Variants in ETNK1 observed in about 807,000 individuals in gnomAD.
ETNK1 encodes the protein putative protein product of Nbla10396.
In ETNK1, 8 loss-of-function variants were observed where a neutral mutation model predicts 45.1. The ratio of observed to expected loss-of-function variants is 0.18; its 90% CI spans 0.10 to 0.32. The LOEUF is 0.32. Ranked by LOEUF, ETNK1 falls within the 10% of genes least tolerant of loss-of-function variation. The probability of loss-of-function intolerance (pLI) is 1.00; values close to 1 mark genes in which losing one functional copy is unlikely to be tolerated. For missense variants in ETNK1, 302 were observed against 430.6 expected (o/e 0.70, Z 2.64); for synonymous variants, 152 against 151.9 (o/e 1.00, Z -0.01).
At chr12:22,644,985 C>G (rs1953789457) in intron 2 of ETNK1, among the ~76,000 whole-genome samples, 1 of 151,866 alleles carries the variant, frequency 6.6e-6, no homozygotes, top group Admixed American at 6.6e-5. Flanking sequence ...AAACCTGTAT[C>G]AAATAATATA....
chr12:22,625,190 C>T lies in ETNK1; in HGVS notation c.-241C>T, dbSNP rs1203799647. On this transcript the variant is annotated 5_prime_UTR_variant, in exon 1 of 8. Transcript: ENST00000266517. Reference sequence around the variant, plus strand: ...TGCTCTGCGGCCGCCCGCGGTCCAGCTCCGACAACAGGAATTTTCTCCGAG... The same window carrying T: ...TGCTCTGCGGCCGCCCGCGGTCCAGTTCCGACAACAGGAATTTTCTCCGAG... 6.2e-7 allele frequency: 1 copy of T among 1,608,100 alleles called. No individual in the cohort carries two copies. The highest frequency in any genetic ancestry group is 8.5e-7 in the Non-Finnish European group (1 of 1,177,432).
chr12:22,636,445 A>G lies in ETNK1; in HGVS notation c.157-7318A>G, dbSNP rs1479768392. On this transcript the variant is annotated intron_variant, in intron 1 of 7. Coordinates refer to ENST00000266517, the MANE Select transcript of ETNK1 (RefSeq NM_018638.5). ...ATCTTTTGAAGCTGTATTGTTGGATACATGCACATTTAGAATTTTTATATC... is the reference window on the plus strand; with the variant it reads ...ATCTTTTGAAGCTGTATTGTTGGATGCATGCACATTTAGAATTTTTATATC... Among the ~76,000 whole-genome samples, 4 of 152,274 alleles carry G rather than the reference A, an allele frequency of 2.6e-5. No individual in the cohort carries two copies. The East Asian group carries it at 7.7e-4, about 29-fold the overall frequency.
Position 22,687,722 on chromosome 12 carries a change from A to G in ETNK1, c.*2768A>G, listed in dbSNP as rs536459334. The G allele has an allele frequency of 5.9e-5, 9 of 152,420 alleles. No homozygotes were observed. The South Asian group carries it at 1.7e-3, about 28-fold the overall frequency. 9.4% of individuals were successfully genotyped at this position (152,420 alleles called of 1,614,324 possible). Reference sequence around the variant, plus strand: ...CATCAAGTAGGTCTGCCTGGAATGTATATAAAAAATGTAAATAAAAATTTG... The same window carrying G: ...CATCAAGTAGGTCTGCCTGGAATGTGTATAAAAAATGTAAATAAAAATTTG... On this transcript the variant is annotated 3_prime_UTR_variant, in exon 8 of 8. Transcript: ENST00000266517.
At chr12:22,675,288 G>A (rs916907258) in intron 6 of ETNK1, among the ~76,000 whole-genome samples, 2 of 150,840 alleles carry the variant, frequency 1.3e-5, no homozygotes, top group African/African-American at 2.4e-5. Flanking sequence ...GAACTCCTGG[G>A]CCTAAGTGAT....
intron 5 of ETNK1, 23 bp from the exon 6 acceptor site, chr12:22,673,477 G>A (rs1183977134): frequency 1.8e-5 from 27 of 1,536,366 alleles, no homozygotes; most frequent in Non-Finnish European, 2.3e-5. Context: ...AAATTTTTGA[G>A]TGTAGTTTTT....
chr12:22,689,624 T>C lies in ETNK1; in HGVS notation c.*4670T>C, dbSNP rs1194496736. 2 of 152,012 alleles carry C rather than the reference T, an allele frequency of 1.3e-5. No individual in the cohort carries two copies. The highest frequency in any genetic ancestry group is 2.9e-5 in the Non-Finnish European group (2 of 67,880). 9.4% of individuals were successfully genotyped at this position (152,012 alleles called of 1,614,324 possible). A position where few individuals can be genotyped will look rare whatever the true frequency, so the allele number is the denominator to read the frequency against. ...AACTAGCCAACAGAATTGTAGGTGATGCATTAGTTAAATTTCAAAACTCAT... is the reference window on the plus strand; with the variant it reads ...AACTAGCCAACAGAATTGTAGGTGACGCATTAGTTAAATTTCAAAACTCAT... On this transcript the variant is annotated 3_prime_UTR_variant, in exon 8 of 8. Coordinates refer to ENST00000266517, the MANE Select transcript of ETNK1 (RefSeq NM_018638.5).
chr12:22,684,853 A>AT (rs1565450473), intron 7 of ETNK1, 29 bp from the exon 8 acceptor site: 3 of 1,570,612 alleles, frequency 1.9e-6, no homozygotes, highest in African/African-American at 2.7e-5. Flanking sequence ...GCTTTGACTA[A>AT]TTTTTTTGTT....
intron 4 of ETNK1, among the ~76,000 whole-genome samples, chr12:22,661,710 A>G (rs1954000742): frequency 6.6e-6 from 1 of 152,210 alleles, no homozygotes; most frequent in Admixed American, 6.5e-5. Context: ...GGAGAGAGCT[A>G]CAGATGGAGG....
At chr12:22,675,327 G>T (rs1954149631) in intron 6 of ETNK1, among the ~76,000 whole-genome samples, 1 of 151,930 alleles carries the variant, frequency 6.6e-6, no homozygotes, top group African/African-American at 2.4e-5. Context: ...CCAAAGTGCT[G>T]GGAATTTATA....
At chr12:22,682,805 G>T (rs1954225429) in intron 6 of ETNK1, among the ~76,000 whole-genome samples, 1 of 152,110 alleles carries the variant, frequency 6.6e-6, no homozygotes, top group Non-Finnish European at 1.5e-5. Flanking sequence ...TAGTCAAAAA[G>T]GCAAGTAACA....
Position 22,645,011 on chromosome 12 carries a change from A to G in ETNK1, c.416+989A>G, listed in dbSNP as rs542158985. 4.6e-5 allele frequency among the ~76,000 whole-genome samples: 7 copies of G among 152,070 alleles called. No individual in the cohort carries two copies. In the East Asian group the frequency reaches 7.7e-4, roughly 17 times the overall value. ...AAATAATATATTAAAATATTTTGTCATAGAAATCTGTTCAAACCCTAGTTT... is the reference window on the plus strand; with the variant it reads ...AAATAATATATTAAAATATTTTGTCGTAGAAATCTGTTCAAACCCTAGTTT... On this transcript the variant is annotated intron_variant, in intron 2 of 7. Transcript: ENST00000266517.
At position 22,689,017 on chromosome 12, in the gene ETNK1, T is replaced by C. The variant is rs900865271; in HGVS notation, c.*4063T>C. The C allele has an allele frequency of 6.6e-6, 1 of 151,954 alleles. No individual in the cohort carries two copies. Among genetic ancestry groups the C allele is most frequent in the Admixed American group, 6.6e-5 (1 of 15,266 alleles). 9.4% of individuals were successfully genotyped at this position (151,954 alleles called of 1,614,324 possible). A position where few individuals can be genotyped will look rare whatever the true frequency, so the allele number is the denominator to read the frequency against. On this transcript the variant is annotated 3_prime_UTR_variant, in exon 8 of 8. Coordinates refer to ENST00000266517, the MANE Select transcript of ETNK1 (RefSeq NM_018638.5). ...GTATCAATTATTTTAAATGAATTTTTCCCCATGTTTGAGGCTTAGTCTGTA... is the reference window on the plus strand; with the variant it reads ...GTATCAATTATTTTAAATGAATTTTCCCCCATGTTTGAGGCTTAGTCTGTA...
chr12:22,685,116 G>T lies in ETNK1; in HGVS notation c.*162G>T. 1 of 541,454 alleles carries T rather than the reference G, an allele frequency of 1.8e-6. No homozygotes were observed. Among genetic ancestry groups the T allele is most frequent in the Non-Finnish European group, 3.2e-6 (1 of 309,926 alleles). 33.5% of individuals were successfully genotyped at this position (541,454 alleles called of 1,614,324 possible). A position where few individuals can be genotyped will look rare whatever the true frequency, so the allele number is the denominator to read the frequency against. ...ATCAAATCTATTTTTGAAATAGACTGAATGATGTCAAGAAATATACCTACT... is the reference window on the plus strand; with the variant it reads ...ATCAAATCTATTTTTGAAATAGACTTAATGATGTCAAGAAATATACCTACT... On this transcript the variant is annotated 3_prime_UTR_variant, in exon 8 of 8. Coordinates refer to ENST00000266517, the MANE Select transcript of ETNK1 (RefSeq NM_018638.5).
At chr12:22,640,162 G>T (rs1341531520) in intron 1 of ETNK1, among the ~76,000 whole-genome samples, 13 of 152,078 alleles carry the variant, frequency 8.5e-5, no homozygotes, top group Admixed American at 8.5e-4. Flanking sequence ...ATGTGATGAG[G>T]TAAGGCAGAG....
At chr12:22,678,299 G>A (rs2137574410) in intron 6 of ETNK1, among the ~76,000 whole-genome samples, 1 of 152,262 alleles carries the variant, frequency 6.6e-6, no homozygotes, top group East Asian at 1.9e-4. Flanking sequence ...CCTCACTGCT[G>A]TAAAAAGAAA....
At chr12:22,625,607 C>T in intron 1 of ETNK1, 21 bp downstream of exon 1, 7 of 1,557,016 alleles carry the variant, frequency 4.5e-6, no homozygotes, top group Non-Finnish European at 6.1e-6. Flanking sequence ...CACCTCAGCT[C>T]TGGGTCTCTT....
chr12:22,635,304 A>G (rs909359351), intron 1 of ETNK1, among the ~76,000 whole-genome samples: 1 of 152,246 alleles, frequency 6.6e-6, no homozygotes, highest in Non-Finnish European at 1.5e-5. Flanking sequence ...ATGGAGGGAC[A>G]GGGTTGGTCT....
intron 1 of ETNK1, chr12:22,626,076 AT>A (rs2137505973): frequency 8.6e-6 from 3 of 350,286 alleles, no homozygotes; most frequent in South Asian, 6.4e-5. Context: ...AGCGTACTCA[AT>A]TCCCAAAGTA....
intron 2 of ETNK1, among the ~76,000 whole-genome samples, chr12:22,658,546 C>CT (rs1213528488): frequency 6.6e-6 from 1 of 152,130 alleles, no homozygotes; most frequent in Non-Finnish European, 1.5e-5. Context: ...ATAAGGCTGA[C>CT]TTTCTTCAGA....
Sources: allele counts gnomAD v4.1 joint callset (sites outside exome capture counted in the v4.1 genomes callset), GRCh38; gene constraint gnomAD v4.1.1; transcripts MANE v1.5; gene names NCBI Gene and HGNC (gene_info 2026-07-23, HGNC 2026-07-21).